PCDHGB4: variants seen among roughly 807,000 people sequenced by gnomAD.
The protein encoded by PCDHGB4 is protocadherin gamma-B4.
PCDHGB4 carries 38 observed loss-of-function variants against 60.5 expected under a neutral mutation model. The observed-to-expected ratio is 0.63, with a 90% CI of 0.48 to 0.82. PCDHGB4 has a LOEUF of 0.82. Among genes scored for constraint, PCDHGB4 ranks in the 40% least tolerant of loss-of-function variants. PCDHGB4 has a pLI of 0.00. For synonymous variants in PCDHGB4, 456 were observed against 509.7 expected (o/e 0.89, Z 1.42); for missense variants, 1,109 against 1,209.6 (o/e 0.92, Z 1.23).
At chr5:141,450,627 C>T (rs947866993) in intron 1 of PCDHGB4, among the ~76,000 whole-genome samples, 13 of 151,592 alleles carry the variant, frequency 8.6e-5, no homozygotes, top group African/African-American at 3.2e-4. Context: ...GCTGGGATTA[C>T]AGATGCCTGC....
At chr5:141,482,235 T>C (rs2099554999) in intron 1 of PCDHGB4, among the ~76,000 whole-genome samples, 1 of 152,174 alleles carries the variant, frequency 6.6e-6, no homozygotes, top group Non-Finnish European at 1.5e-5. Context: ...AAATTGCCAA[T>C]ATAAGTATAG....
At chr5:141,400,511 C>T (rs1456963604) in intron 1 of PCDHGB4, 2 of 1,613,824 alleles carry the variant, frequency 1.2e-6, no homozygotes, top group Admixed American at 3.3e-5. Flanking sequence ...GAGTCGACTT[C>T]CCATCCTGAG....
At chr5:141,499,553 A>T (rs1215178587) in intron 2 of PCDHGB4, among the ~76,000 whole-genome samples, 3 of 152,206 alleles carry the variant, frequency 2.0e-5, no homozygotes, top group African/African-American at 4.8e-5. Context: ...CCTGTATGAT[A>T]CCACTATCCA....
At chr5:141,418,068 C>T (rs1292846589) in intron 1 of PCDHGB4, 4 of 1,614,002 alleles carry the variant, frequency 2.5e-6, no homozygotes, top group Non-Finnish European at 3.4e-6. Flanking sequence ...CGAGTGAGCG[C>T]GGAGAAGCTG....
At chr5:141,464,400 G>GAGATATATATATATCTATATATAT (rs2099082782) in intron 1 of PCDHGB4, among the ~76,000 whole-genome samples, 3 of 151,366 alleles carry the variant, frequency 2.0e-5, no homozygotes, top group African/African-American at 4.9e-5. Context: ...TGAAGAACCT[G>GAGATATATATATATCTATATATAT]AGATATATAT....
At chr5:141,417,866 G>C (rs1299960512) in intron 1 of PCDHGB4, 1 of 1,552,408 alleles carries the variant, frequency 6.4e-7, no homozygotes, top group African/African-American at 1.4e-5. Context: ...AACGATGGGA[G>C]GGAGCTGCGC....
intron 1 of PCDHGB4, chr5:141,421,165 T>C: frequency 7.7e-7 from 1 of 1,297,018 alleles, no homozygotes; most frequent in Non-Finnish European, 1.0e-6. Flanking sequence ...ACTTCATAGA[T>C]ACATAAGCCG....
chr5:141,405,575 G>T, intron 1 of PCDHGB4: 2 of 598,040 alleles, frequency 3.3e-6, no homozygotes, highest in Non-Finnish European at 5.9e-6. Flanking sequence ...GAGTAGAGTA[G>T]CTGGGACTAC....
rs539038497 is a variant in PCDHGB4 at position 141,420,464 on chromosome 5, C to T, written c.2397+30183C>T. 2.0e-4 allele frequency: 164 copies of T among 801,490 alleles called. 1 individual carries two copies. In the South Asian group the frequency reaches 6.4e-3, roughly 31 times the overall value. 49.6% of individuals were successfully genotyped at this position (801,490 alleles called of 1,614,324 possible). ...CCTCAGTCTTCCTACTATTCAAAGA[C>T]ATTTTAAAGCAAACTACATGGGTAA... On this transcript the variant is annotated intron_variant, in intron 1 of 3. Transcript: ENST00000519479.
chr5:141,459,404 G>C (rs2098967432), intron 1 of PCDHGB4, among the ~76,000 whole-genome samples: 1 of 152,182 alleles, frequency 6.6e-6, no homozygotes, highest in Non-Finnish European at 1.5e-5. Flanking sequence ...GAGCAGTATT[G>C]CATTGTGTGG....
intron 1 of PCDHGB4, chr5:141,478,401 T>G: frequency 6.2e-7 from 1 of 1,613,480 alleles, no homozygotes; most frequent in South Asian, 1.1e-5. Context: ...CAGGTGTATC[T>G]CACCACGGAC....
chr5:141,408,806 C>A (rs1368887332), intron 1 of PCDHGB4: 2 of 1,612,894 alleles, frequency 1.2e-6, no homozygotes, highest in African/African-American at 1.3e-5. Flanking sequence ...ACTCCTAGAC[C>A]GGGAAGAACA....
At chr5:141,428,163 C>T (rs759273230) in intron 1 of PCDHGB4, 77 of 1,564,636 alleles carry the variant, frequency 4.9e-5, no homozygotes, top group Non-Finnish European at 6.3e-5. Flanking sequence ...CTGCTGGTTG[C>T]TGTGCGTGAC....
rs1313177903 is a variant in PCDHGB4 at position 141,389,001 on chromosome 5, G to T, written c.1117G>T (p.Asp373Tyr). ...TGCTTTGCTCAAAGTCCGTGACAAG[G>T]ATTCCAGACACAATGGAGAAGTGAC... is the stretch of plus-strand genomic sequence containing the variant. The part of the protein sequence containing the change: ...HIALLKVRDK[D>Y]SRHNGEVTCK... Residue 373 changes from aspartate to tyrosine, a missense_variant, in exon 1 of 4, where the codon GAT (aspartate) becomes TAT (tyrosine). Asp to Tyr is a radical substitution (Grantham distance 160, BLOSUM62 -3). Around this residue, in one of 2 missense-constraint regions of PCDHGB4, gnomAD observed 1,068 missense variants for 1,089.9 expected, o/e 0.98. Coordinates refer to ENST00000519479, the MANE Select transcript of PCDHGB4 (RefSeq NM_003736.4). The T allele has an allele frequency of 6.2e-7, 1 of 1,614,018 alleles. No individual in the cohort carries two copies. The highest frequency in any genetic ancestry group is 8.5e-7 in the Non-Finnish European group (1 of 1,179,886).
chr5:141,388,273 C>G lies in PCDHGB4; in HGVS notation c.389C>G (p.Thr130Arg). 6.3e-7 allele frequency: 1 copy of G among 1,597,470 alleles called. No individual in the cohort carries two copies. Among genetic ancestry groups the G allele is most frequent in the East Asian group, 2.3e-5 (1 of 44,256 alleles). ...NVEIEDINDH[T>R]PKFTQNSFEL... ...GAGATCGAGGACATTAATGACCACACGCCAAAATTCACGCAAAATTCCTTT... is the reference window on the plus strand; with the variant it reads ...GAGATCGAGGACATTAATGACCACAGGCCAAAATTCACGCAAAATTCCTTT... The change falls in exon 1 of 4, where the codon ACG becomes AGG. Residue 130 changes from threonine (T) to arginine (R), a missense_variant. By Grantham distance (71) the Thr-to-Arg change is moderately conservative (BLOSUM62 -1). This residue lies in a region of PCDHGB4 where 1,068 missense variants were observed against 1,089.9 expected (regional missense o/e 0.98). Coordinates refer to ENST00000519479, the MANE Select transcript of PCDHGB4 (RefSeq NM_003736.4).
Position 141,512,594 on chromosome 5 carries a change from G to C in PCDHGB4, c.*1421G>C, listed in dbSNP as rs981124898. On this transcript the variant is annotated 3_prime_UTR_variant, in exon 4 of 4. Transcript: ENST00000519479. ...CACCCCCTTCTGCCCCTGGGTCCCC[G>C]GCCATCCAGCGGGGCTGCCAGAGAA... 1 of 152,812 alleles carries C rather than the reference G, an allele frequency of 6.5e-6. No homozygotes were observed. The highest frequency in any genetic ancestry group is 6.5e-5 in the Admixed American group (1 of 15,280). The allele number at this position is 152,812 out of a possible 1,614,324, so 9.5% of individuals were successfully genotyped here. A position where few individuals can be genotyped will look rare whatever the true frequency, so the allele number is the denominator to read the frequency against.
At chr5:141,426,037 G>A (rs2096911238) in intron 1 of PCDHGB4, among the ~76,000 whole-genome samples, 1 of 152,176 alleles carries the variant, frequency 6.6e-6, no homozygotes, top group South Asian at 2.1e-4. Flanking sequence ...TCAGAGCCCT[G>A]CTGTTGGCCA....
intron 1 of PCDHGB4, among the ~76,000 whole-genome samples, chr5:141,461,054 T>C (rs984461416): frequency 6.6e-6 from 1 of 151,758 alleles, no homozygotes; most frequent in African/African-American, 2.4e-5. Context: ...GGGACTTAGG[T>C]TGGTTTCACA....
At chr5:141,394,840 G>GCA (rs2093111243) in intron 1 of PCDHGB4, 1 of 1,613,834 alleles carries the variant, frequency 6.2e-7, no homozygotes. Flanking sequence ...ACCGAGTTGG[G>GCA]CAGTCTGAAG....
Sources: gnomAD v4.1 joint callset for allele counts (sites outside exome capture counted in the v4.1 genomes callset) on GRCh38, gnomAD v4.1.1 for gene constraint, gnomAD v4.1.1 regional missense constraint, MANE v1.5 for transcripts, NCBI Gene and HGNC (gene_info 2026-07-23, HGNC 2026-07-21) for gene names.